The following TAF4B variants were observed in gnomAD, a reference collection of about 807,000 sequenced individuals.
TAF4B encodes the protein transcription initiation factor TFIID subunit 4B.
In TAF4B, 38 loss-of-function variants were observed where a neutral mutation model predicts 86.4. The ratio of observed to expected loss-of-function variants is 0.44; its 90% CI spans 0.34 to 0.58. TAF4B has a LOEUF of 0.58. Ranked by LOEUF, TAF4B falls within the 20% of genes least tolerant of loss-of-function variation. The pLI is 0.02. For missense variants in TAF4B, 988 were observed against 1,027.6 expected (o/e 0.96, Z 0.53); for synonymous variants, 388 against 391.2 (o/e 0.99, Z 0.10).
At chr18:26,329,082 A>G (rs1010579164) in intron 12 of TAF4B, among the ~76,000 whole-genome samples, 2 of 151,394 alleles carry the variant, frequency 1.3e-5, no homozygotes, top group Non-Finnish European at 2.9e-5. Context: ...TTTTTGAGAC[A>G]GAGTTTCACT....
chr18:26,271,110 A>C (rs1330119945), intron 3 of TAF4B, among the ~76,000 whole-genome samples: 1 of 152,244 alleles, frequency 6.6e-6, no homozygotes. Flanking sequence ...TCTCAGTTTT[A>C]GGCATGGAAA....
At chr18:26,294,411 ATTTATAT>A (rs2056635516) in intron 9 of TAF4B, among the ~76,000 whole-genome samples, 1 of 151,750 alleles carries the variant, frequency 6.6e-6, no homozygotes, top group African/African-American at 2.4e-5. Context: ...CTTATTTGTT[ATTTATAT>A]ATCTTTGGTG....
chr18:26,375,581 A>T (rs1345627730), intron 14 of TAF4B, among the ~76,000 whole-genome samples: 3 of 152,094 alleles, frequency 2.0e-5, no homozygotes, highest in Non-Finnish European at 4.4e-5. Context: ...CCTTTTAAAA[A>T]TTTTATTACT....
At chr18:26,247,192 T>G (rs1473917221) in intron 1 of TAF4B, among the ~76,000 whole-genome samples, 1 of 152,250 alleles carries the variant, frequency 6.6e-6, no homozygotes, top group Non-Finnish European at 1.5e-5. Context: ...TCAGCTATAT[T>G]GTCTCTAAAA....
chr18:26,250,483 C>T (rs1375282897), intron 1 of TAF4B, among the ~76,000 whole-genome samples: 2 of 139,382 alleles, frequency 1.4e-5, no homozygotes, highest in African/African-American at 2.8e-5. Flanking sequence ...GGCAACAGAG[C>T]GAGACTCCAT....
chr18:26,379,151 A>C (rs1281342379), intron 14 of TAF4B, among the ~76,000 whole-genome samples: 2 of 152,072 alleles, frequency 1.3e-5, no homozygotes. Context: ...TACTCCCTTT[A>C]GCAATGTACT....
At chr18:26,281,451 TTCAA>T (rs1009184900) in intron 5 of TAF4B, among the ~76,000 whole-genome samples, 1 of 152,186 alleles carries the variant, frequency 6.6e-6, no homozygotes, top group African/African-American at 2.4e-5. Context: ...AATAAGATAA[TTCAA>T]TCAGCTACAT....
intron 9 of TAF4B, among the ~76,000 whole-genome samples, chr18:26,303,502 C>T (rs1360401571): frequency 8.8e-5 from 4 of 45,250 alleles, no homozygotes; most frequent in Admixed American, 3.0e-4. Context: ...ACTTTCATAC[C>T]CCCTCCACTT....
intron 1 of TAF4B, among the ~76,000 whole-genome samples, chr18:26,238,738 C>T (rs1227139051): frequency 2.6e-5 from 4 of 152,110 alleles, no homozygotes; most frequent in African/African-American, 9.7e-5. Context: ...GTCCGTCCCC[C>T]TTCCTCCCAC....
intron 14 of TAF4B, among the ~76,000 whole-genome samples, chr18:26,371,156 T>C (rs1053732356): frequency 6.6e-6 from 1 of 152,160 alleles, no homozygotes; most frequent in Non-Finnish European, 1.5e-5. Flanking sequence ...TCTTAAAATA[T>C]AAGAAGCTAC....
intron 1 of TAF4B, among the ~76,000 whole-genome samples, chr18:26,244,269 G>A (rs763136913): frequency 2.6e-5 from 4 of 152,190 alleles, no homozygotes; most frequent in Non-Finnish European, 5.9e-5. Context: ...TCAAGCCTCC[G>A]CAATGGCGGA....
chr18:26,227,063 G>C lies in TAF4B; in HGVS notation c.130G>C (p.Ala44Pro), dbSNP rs78262333. The C allele has an allele frequency of 3.5e-3, 5,512 of 1,595,256 alleles. 164 individuals are homozygous for C. In the African/African-American group the frequency reaches 0.066, roughly 19 times the overall value. Residue 44 changes from alanine (A) to proline (P), a missense_variant, in exon 1 of 15, where the codon GCC becomes CCC. Physicochemically the swap from Ala to Pro is conservative, Grantham distance 27. Transcript: ENST00000269142. ...RVESTPVALG[A>P]VTKAPVSVCV... The stretch of plus-strand genomic sequence containing the variant: ...GGAGAGCACTCCGGTGGCCCTGGGC[G>C]CCGTGACTAAGGCTCCTGTCAGCGT...
At chr18:26,360,340 A>G (rs531360476) in intron 14 of TAF4B, among the ~76,000 whole-genome samples, 1 of 152,290 alleles carries the variant, frequency 6.6e-6, no homozygotes, top group Admixed American at 6.5e-5. Context: ...TTCATGTATA[A>G]ATAGGCATTT....
chr18:26,239,391 T>C (rs2144454660), intron 1 of TAF4B, among the ~76,000 whole-genome samples: 1 of 152,298 alleles, frequency 6.6e-6, no homozygotes, highest in Middle Eastern at 3.4e-3. Flanking sequence ...ATGTCTTCTT[T>C]TGAGAAGTGT....
chr18:26,286,809 G>A (rs1431339721), intron 7 of TAF4B, among the ~76,000 whole-genome samples: 1 of 151,994 alleles, frequency 6.6e-6, no homozygotes, highest in Non-Finnish European at 1.5e-5. Flanking sequence ...TTACCCTCCT[G>A]AGTAGCTGGA....
intron 13 of TAF4B, among the ~76,000 whole-genome samples, chr18:26,354,050 G>A (rs117485728): frequency 2.6e-5 from 4 of 152,146 alleles, no homozygotes; most frequent in East Asian, 1.9e-4. Flanking sequence ...ATTTTTGCAC[G>A]TGGATGTTCA....
chr18:26,319,227 TACA>T (rs1173182458), intron 10 of TAF4B, among the ~76,000 whole-genome samples: 12 of 150,098 alleles, frequency 8.0e-5, no homozygotes, highest in Non-Finnish European at 1.5e-4. Context: ...AGCGGTGGCT[TACA>T]CCTGTAATCC....
At chr18:26,301,385 C>T (rs2056732227) in intron 9 of TAF4B, among the ~76,000 whole-genome samples, 1 of 151,802 alleles carries the variant, frequency 6.6e-6, no homozygotes, top group Non-Finnish European at 1.5e-5. Flanking sequence ...CTTCTAGGCT[C>T]CAGTGATGCT....
chr18:26,295,077 T>C (rs1416921921), intron 9 of TAF4B: 2 of 165,554 alleles, frequency 1.2e-5, no homozygotes, highest in African/African-American at 2.4e-5. Context: ...ATATATATAA[T>C]ATATATATTA....
Sources: allele counts gnomAD v4.1 joint callset (sites outside exome capture counted in the v4.1 genomes callset), GRCh38; gene constraint gnomAD v4.1.1; transcripts MANE v1.5; gene names NCBI Gene and HGNC (gene_info 2026-07-23, HGNC 2026-07-21).